The following EYS variants were observed in gnomAD, a reference collection of about 807,000 sequenced individuals.
EYS encodes the protein protein eyes shut homolog.
In EYS, 250 loss-of-function variants were observed where a neutral mutation model predicts 282.1. The observed-to-expected ratio is 0.89, with a 90% confidence interval of 0.80 to 0.98. The LOEUF is 0.98. EYS is among the 50% of genes least tolerant of loss of function. EYS has a pLI of 0.00. For missense variants in EYS, 4,016 were observed against 3,709.0 expected, an observed-to-expected ratio of 1.08 and a Z score of -2.15; for synonymous variants, 1,355 against 1,282.9, an observed-to-expected ratio of 1.06 and a Z score of -1.20.
intron 11 of EYS, among the ~76,000 whole-genome samples, chr6:65,319,831 A>G (rs577830057): frequency 9.2e-5 from 14 of 152,258 alleles, no homozygotes; most frequent in African/African-American, 3.4e-4. Flanking sequence ...CCACATTTTG[A>G]GCTAGACATA....
chr6:64,052,744 G>A (rs961425511), intron 33 of EYS, among the ~76,000 whole-genome samples: 6 of 152,072 alleles, frequency 3.9e-5, no homozygotes, highest in Non-Finnish European at 7.4e-5. Flanking sequence ...CTCCCATGTT[G>A]TTCTCTGATA....
At chr6:64,482,598 T>C (rs375385401) in intron 26 of EYS, among the ~76,000 whole-genome samples, 12 of 151,876 alleles carry the variant, frequency 7.9e-5, no homozygotes, top group African/African-American at 2.9e-4. Context: ...CTTACAATGT[T>C]GTATGACATA....
chr6:65,373,610 G>C (rs1158089310), intron 8 of EYS, among the ~76,000 whole-genome samples: 1 of 151,816 alleles, frequency 6.6e-6, no homozygotes, highest in Non-Finnish European at 1.5e-5. Context: ...CCAAATAATA[G>C]AATGATACAG....
chr6:64,450,032 A>G (rs1423163895), intron 26 of EYS, among the ~76,000 whole-genome samples: 1 of 152,186 alleles, frequency 6.6e-6, no homozygotes, highest in African/African-American at 2.4e-5. Context: ...TAAATGGGAT[A>G]AATGCTCCAA....
At chr6:63,732,020 G>T (rs1007571644) in intron 41 of EYS, among the ~76,000 whole-genome samples, 3 of 152,040 alleles carry the variant, frequency 2.0e-5, no homozygotes, top group Admixed American at 1.3e-4. Flanking sequence ...TGATGAGAGG[G>T]TTCCCTGTTA....
intron 36 of EYS, among the ~76,000 whole-genome samples, chr6:63,835,893 A>T (rs1771792621): frequency 6.6e-6 from 1 of 152,032 alleles, no homozygotes; most frequent in Admixed American, 6.6e-5. Context: ...AAAGCCAAAA[A>T]TGTGGGAAAA....
intron 12 of EYS, among the ~76,000 whole-genome samples, chr6:65,157,948 G>A (rs1764767802): frequency 6.6e-6 from 1 of 150,628 alleles, no homozygotes; most frequent in African/African-American, 2.4e-5. Context: ...ATCTAGAAAT[G>A]GGCTATAGAA....
chr6:64,203,838 G>A (rs1234588861), intron 31 of EYS, among the ~76,000 whole-genome samples: 1 of 152,068 alleles, frequency 6.6e-6, no homozygotes, highest in East Asian at 1.9e-4. Flanking sequence ...GTAAATTTAT[G>A]TACGAATGAA....
At chr6:65,065,718 T>A (rs951092155) in intron 12 of EYS, among the ~76,000 whole-genome samples, 2 of 152,062 alleles carry the variant, frequency 1.3e-5, no homozygotes, top group African/African-American at 4.8e-5. Context: ...ATACACAAGA[T>A]CAGATTTATA....
chr6:65,622,295 G>A (rs907066414), intron 2 of EYS, among the ~76,000 whole-genome samples: 1 of 152,122 alleles, frequency 6.6e-6, no homozygotes, highest in Non-Finnish European at 1.5e-5. Flanking sequence ...ACTGAAAACA[G>A]TTGCTCTGTA....
intron 22 of EYS, among the ~76,000 whole-genome samples, chr6:64,785,340 A>T (rs1193593634): frequency 6.6e-6 from 1 of 152,152 alleles, no homozygotes; most frequent in Non-Finnish European, 1.5e-5. Context: ...TAAATCTCAC[A>T]GTCTTTAAGT....
chr6:64,334,689 C>A (rs1459080927), intron 29 of EYS, among the ~76,000 whole-genome samples: 1 of 152,140 alleles, frequency 6.6e-6, no homozygotes, highest in Non-Finnish European at 1.5e-5. Context: ...TTTATCAGAA[C>A]AGGTTAGCAC....
At chr6:64,674,622 C>T (rs1399862553) in intron 22 of EYS, among the ~76,000 whole-genome samples, 1 of 151,950 alleles carries the variant, frequency 6.6e-6, no homozygotes, top group Non-Finnish European at 1.5e-5. Context: ...CTGTTAATTG[C>T]CTAAGGAATA....
chr6:63,981,854 C>T (rs1767114019), intron 35 of EYS, among the ~76,000 whole-genome samples: 5 of 151,776 alleles, frequency 3.3e-5, no homozygotes. Context: ...CTTTGTGTGT[C>T]TTGAATATAC....
intron 5 of EYS, among the ~76,000 whole-genome samples, chr6:65,464,061 G>A (rs1260266665): frequency 6.6e-6 from 1 of 151,932 alleles, no homozygotes; most frequent in Non-Finnish European, 1.5e-5. Flanking sequence ...TTTCAGTTAT[G>A]TTTTCAATTT....
chr6:65,404,030 A>G lies in EYS; in HGVS notation c.1056+1144T>C, dbSNP rs537329148. Among the ~76,000 whole-genome samples, 18 of 152,248 alleles carry G rather than the reference A, an allele frequency of 1.2e-4. No individual in the cohort carries two copies. The South Asian group carries it at 2.3e-3, about 19-fold the overall frequency. ...TCATTATCTTAGAGTTCCAGAGGTC[A>G]TAAGTCTGAAAAGTTTCAGAAGGCT... On this transcript the variant is annotated intron_variant, in intron 6 of 42. Coordinates refer to ENST00000503581, the MANE Select transcript of EYS (RefSeq NM_001142800.2).
At chr6:64,866,365 T>A (rs1472594274) in intron 19 of EYS, among the ~76,000 whole-genome samples, 1 of 151,932 alleles carries the variant, frequency 6.6e-6, no homozygotes, top group Non-Finnish European at 1.5e-5. Context: ...GACCTTGAGA[T>A]CTGTTTCAAT....
chr6:64,625,157 G>A (rs557721523), intron 23 of EYS, among the ~76,000 whole-genome samples: 17 of 152,112 alleles, frequency 1.1e-4, no homozygotes, highest in Admixed American at 4.6e-4. Flanking sequence ...AAAATAAGAT[G>A]AGTGGCAGAA....
rs2149832494 is a variant in EYS, at chr6:64,591,826, A to T, written c.4041T>A (p.Ser1347=). The part of the protein sequence containing the change: ...HSLLSSADVS[S]SRFLNFGIRD... The stretch of plus-strand genomic sequence containing the variant: ...GAATACCAAAATTCAGGAATCGAGA[A>T]GAGGAAACATCTGCGGAAGAAAGAA... Residue 1347 remains serine (S), a synonymous_variant, in exon 26 of 43, where the codon TCT becomes TCA. Transcript: ENST00000503581. 1 of 1,551,312 alleles carries T rather than the reference A, an allele frequency of 6.4e-7. No homozygotes were observed. The highest frequency in any genetic ancestry group is 1.2e-5 in the South Asian group (1 of 84,052).
Sources: gnomAD v4.1 joint callset for allele counts (sites outside exome capture counted in the v4.1 genomes callset) on GRCh38, gnomAD v4.1.1 for gene constraint, MANE v1.5 for transcripts, NCBI Gene and HGNC (gene_info 2026-07-23, HGNC 2026-07-21) for gene names.